ZNF516: variants seen among roughly 807,000 people sequenced by gnomAD.
ZNF516 encodes the protein zinc finger protein 516.
A neutral mutation model predicts 79.7 loss-of-function variants in ZNF516; 19 were observed. The ratio of observed to expected loss-of-function variants is 0.24; its 90% CI spans 0.17 to 0.35. The LOEUF (loss-of-function observed/expected upper bound fraction) is 0.35, where lower values mean the gene tolerates loss of function less well. ZNF516 is among the 10% of genes least tolerant of loss of function. ZNF516 has a pLI of 1.00. For synonymous variants in ZNF516, 877 were observed against 739.5 expected (o/e 1.19, Z -3.02); for missense variants, 1,678 against 1,679.5 (o/e 1.00, Z 0.02).
intron 1 of ZNF516, among the ~76,000 whole-genome samples, chr18:76,494,221 G>A (rs1475997160): frequency 2.0e-5 from 3 of 152,194 alleles, no homozygotes; most frequent in African/African-American, 7.2e-5. Context: ...TAAAACTTGA[G>A]GCGGTTTAAT....
chr18:76,405,870 C>G (rs1411858951), intron 3 of ZNF516, among the ~76,000 whole-genome samples: 1 of 152,098 alleles, frequency 6.6e-6, no homozygotes, highest in African/African-American at 2.4e-5. Context: ...CCCGCCGCCC[C>G]GTCCCATGGG....
rs772215101 is a variant in ZNF516, at chr18:76,467,987, C to T, written c.-271-4846G>A. Among the ~76,000 whole-genome samples, 5 of 152,164 alleles carry T rather than the reference C, an allele frequency of 3.3e-5. No individual in the cohort carries two copies. The highest frequency in any genetic ancestry group is 7.2e-5 in the African/African-American group (3 of 41,438). On this transcript the variant is annotated intron_variant, in intron 1 of 6. Transcript: ENST00000443185. The surrounding 1 kb of genome is among the most constrained non-coding windows in gnomAD (Gnocchi z 4.2). ...CTGCGGCGCATTCCAGACCTCCCTA[C>T]GGACAGCACGCGACGGACGGCCTTG...
chr18:76,359,697 G>A lies in ZNF516; in HGVS notation c.*2801C>T, dbSNP rs1034585388. 1 of 151,592 alleles carries A rather than the reference G, an allele frequency of 6.6e-6. No homozygotes were observed. The highest frequency in any genetic ancestry group is 1.5e-5 in the Non-Finnish European group (1 of 67,956). The allele number at this position is 151,592 out of a possible 1,614,324, so 9.4% of individuals were successfully genotyped here. On this transcript the variant is annotated 3_prime_UTR_variant, in exon 7 of 7. Transcript: ENST00000443185. The stretch of plus-strand genomic sequence containing the variant: ...GACAACCAAACCCTTTATTGTCTAA[G>A]TTACATTAGACGCAACACTGTAAAA...
intron 3 of ZNF516, among the ~76,000 whole-genome samples, chr18:76,383,534 T>G (rs8093165): frequency 0.35 from 26,564 of 76,942 alleles, 6,457 homozygotes; most frequent in East Asian, 0.57. Flanking sequence ...CAGGGACCCA[T>G]GACCCTCTTC....
intron 3 of ZNF516, among the ~76,000 whole-genome samples, chr18:76,384,893 G>A (rs189919677): frequency 7.9e-5 from 12 of 152,334 alleles, no homozygotes; most frequent in Admixed American, 1.3e-4. Flanking sequence ...TGAGCATGGC[G>A]TGGCCCTGCA....
intron 1 of ZNF516, among the ~76,000 whole-genome samples, chr18:76,474,045 T>C (rs1164554548): frequency 1.3e-5 from 2 of 152,058 alleles, no homozygotes; most frequent in African/African-American, 4.8e-5. Flanking sequence ...CCCCCAGCTG[T>C]AGTTATATTA....
chr18:76,450,496 T>C (rs916984890), intron 2 of ZNF516, among the ~76,000 whole-genome samples: 16 of 152,046 alleles, frequency 1.1e-4, no homozygotes, highest in African/African-American at 3.6e-4. Context: ...TGAAAAGCAG[T>C]GTTTTATTTT....
chr18:76,448,338 T>C (rs560934306), intron 2 of ZNF516, among the ~76,000 whole-genome samples: 1 of 152,370 alleles, frequency 6.6e-6, no homozygotes, highest in East Asian at 1.9e-4. Context: ...ACATTTACTC[T>C]GTAGGCCAGT....
At chr18:76,423,394 C>T (rs2075534739) in intron 3 of ZNF516, among the ~76,000 whole-genome samples, 1 of 152,262 alleles carries the variant, frequency 6.6e-6, no homozygotes, top group Non-Finnish European at 1.5e-5. Flanking sequence ...AAAACATATG[C>T]TGGCAGGAGA....
intron 3 of ZNF516, among the ~76,000 whole-genome samples, chr18:76,385,180 G>A (rs1347081245): frequency 1.3e-5 from 2 of 152,220 alleles, no homozygotes; most frequent in African/African-American, 2.4e-5. Flanking sequence ...AACACACCAG[G>A]GGCTCCCGGG....
rs373540251 is a variant in ZNF516 at position 76,360,646 on chromosome 18, A to AAAT, written c.*1851_*1852insATT. ...AAAAAAATAAGTAAAAAAAAAAAAA[A>AAAT]ATATATATATATATATATATATATA... On this transcript the variant is annotated 3_prime_UTR_variant, in exon 7 of 7. Coordinates refer to ENST00000443185, the MANE Select transcript of ZNF516 (RefSeq NM_014643.4). 47 of 72,458 alleles carry AAAT rather than the reference A, an allele frequency of 6.5e-4. 2 individuals are homozygous for AAAT. The highest frequency in any genetic ancestry group is 2.2e-3 in the African/African-American group (36 of 16,372). The allele number at this position is 72,458 out of a possible 1,614,324, so 4.5% of individuals were successfully genotyped here. A position where few individuals can be genotyped will look rare whatever the true frequency, so the allele number is the denominator to read the frequency against.
At chr18:76,474,948 A>C (rs1298845772) in intron 1 of ZNF516, among the ~76,000 whole-genome samples, 1 of 152,246 alleles carries the variant, frequency 6.6e-6, no homozygotes, top group African/African-American at 2.4e-5. Flanking sequence ...AAAAGTAAAC[A>C]GACCAATATT....
chr18:76,477,857 T>G (rs1914266260), intron 1 of ZNF516, among the ~76,000 whole-genome samples: 1 of 152,214 alleles, frequency 6.6e-6, no homozygotes, highest in Admixed American at 6.5e-5. Context: ...AAGCATCTTC[T>G]TAAAGGAGTT....
chr18:76,426,461 A>G (rs965915715), intron 3 of ZNF516, among the ~76,000 whole-genome samples: 3 of 152,206 alleles, frequency 2.0e-5, no homozygotes, highest in African/African-American at 7.2e-5. Context: ...TAAAATACAG[A>G]TTTTCAGATA....
intron 3 of ZNF516, among the ~76,000 whole-genome samples, chr18:76,433,237 C>T (rs1358040025): frequency 1.3e-5 from 2 of 152,196 alleles, no homozygotes; most frequent in East Asian, 3.8e-4. Flanking sequence ...TACTCCCGTG[C>T]AAAACTACCC....
chr18:76,458,637 ATGCCTCACCGTCGTGCGTGTGCG>A (rs1298721747), intron 2 of ZNF516, among the ~76,000 whole-genome samples: 19 of 138,560 alleles, frequency 1.4e-4, no homozygotes, highest in African/African-American at 5.1e-4. Flanking sequence ...GTGCGTGTGC[ATGCCTCACCGTCGTGCGTGTGCG>A]TGCCTCACCG....
intron 3 of ZNF516, among the ~76,000 whole-genome samples, chr18:76,410,841 T>C (rs1021901883): frequency 2.6e-5 from 4 of 152,140 alleles, no homozygotes; most frequent in African/African-American, 9.7e-5. Context: ...GGGGAGTTTT[T>C]CAAGATCTCA....
chr18:76,430,945 T>C (rs1474200039), intron 3 of ZNF516, among the ~76,000 whole-genome samples: 2 of 152,220 alleles, frequency 1.3e-5, no homozygotes, highest in African/African-American at 4.8e-5. Flanking sequence ...ATGTGAACCA[T>C]GCATACAGAA....
intron 3 of ZNF516, among the ~76,000 whole-genome samples, chr18:76,381,020 C>T (rs1381429336): frequency 1.3e-5 from 2 of 152,236 alleles, no homozygotes; most frequent in East Asian, 3.9e-4. Flanking sequence ...CGGGGTTCCG[C>T]CCCTCAAGCT....
Sources: gnomAD v4.1 joint callset for allele counts (sites outside exome capture counted in the v4.1 genomes callset) on GRCh38, gnomAD v4.1.1 for gene constraint, Gnocchi (gnomAD v3.1) non-coding constraint, MANE v1.5 for transcripts, NCBI Gene and HGNC (gene_info 2026-07-23, HGNC 2026-07-21) for gene names.